The following MEF2A variants were observed in gnomAD, a reference collection of about 807,000 sequenced individuals.
MEF2A encodes myocyte enhancer factor 2A, also known as myocyte-specific enhancer factor 2A.
A neutral mutation model predicts 55.8 loss-of-function variants in MEF2A; 28 were observed. That is an observed-to-expected ratio of 0.50 (90% CI 0.37 to 0.69). The LOEUF (loss-of-function observed/expected upper bound fraction) is 0.69, where lower values mean the gene tolerates loss of function less well. MEF2A is among the 30% of genes least tolerant of loss of function. The pLI is 0.00. For missense variants in MEF2A, 528 were observed against 626.2 expected (o/e 0.84, Z 1.67); for synonymous variants, 239 against 227.1 (o/e 1.05, Z -0.47).
At position 99,715,029 on chromosome 15, in the gene MEF2A, A is replaced by G. The variant is rs1189748352; in HGVS notation, c.*2258A>G. ...GGATGACATGCTGTCTCCTCTCTTC[A>G]GTATAGACATTAGGCTCTTATTCAG... On this transcript the variant is annotated 3_prime_UTR_variant, in exon 12 of 12. Coordinates refer to ENST00000557942, the MANE Select transcript of MEF2A (RefSeq NM_001319206.4). 6.6e-6 allele frequency: 1 copy of G among 152,206 alleles called. No homozygotes were observed. Among genetic ancestry groups the G allele is most frequent in the Admixed American group, 6.5e-5 (1 of 15,284 alleles). 9.4% of individuals were successfully genotyped at this position (152,206 alleles called of 1,614,324 possible). A position where few individuals can be genotyped will look rare whatever the true frequency, so the allele number is the denominator to read the frequency against.
chr15:99,692,042 T>C (rs2055587220), intron 8 of MEF2A, among the ~76,000 whole-genome samples: 1 of 152,240 alleles, frequency 6.6e-6, no homozygotes, highest in Non-Finnish European at 1.5e-5. Flanking sequence ...CTAAATGATA[T>C]GCCAGGTGTT....
intron 4 of MEF2A, among the ~76,000 whole-genome samples, chr15:99,668,767 T>G (rs2050292315): frequency 6.6e-6 from 1 of 152,200 alleles, no homozygotes; most frequent in Non-Finnish European, 1.5e-5. Context: ...CTTAATAGAT[T>G]ACGGCATTCC....
At chr15:99,646,827 A>G (rs1308208672) in intron 4 of MEF2A, among the ~76,000 whole-genome samples, 1 of 152,090 alleles carries the variant, frequency 6.6e-6, no homozygotes, top group Non-Finnish European at 1.5e-5. Context: ...CCATTACTAC[A>G]CACATAAAAA....
Position 99,674,205 on chromosome 15 carries a change from C to T in MEF2A, c.391-188C>T, listed in dbSNP as rs545421363. 1.9e-4 allele frequency among the ~76,000 whole-genome samples: 29 copies of T among 152,130 alleles called. No individual in the cohort carries two copies. In the Middle Eastern group the frequency reaches 0.017, roughly 89 times the overall value. ...GTATAAAGTTGAAATTGAAAAGGCT[C>T]ATGTCAGTCATATTCATGTTCAAAC... is the stretch of plus-strand genomic sequence containing the variant. On this transcript the variant is annotated intron_variant, in intron 5 of 11. Coordinates refer to ENST00000557942, the MANE Select transcript of MEF2A (RefSeq NM_001319206.4).
chr15:99,690,224 G>A lies in MEF2A; in HGVS notation c.671-17G>A. 1 of 1,609,612 alleles carries A rather than the reference G, an allele frequency of 6.2e-7. No individual in the cohort carries two copies. ...AATAACTCTTCTCACTTTATTGAAT[G>A]ATATTTTTCCCCCCAGGGAATGGAT... is the stretch of plus-strand genomic sequence containing the variant. On this transcript the variant is annotated splice_polypyrimidine_tract_variant and intron_variant, in intron 7 of 11. Transcript: ENST00000557942.
rs1971925088 is a variant in MEF2A, at chr15:99,598,330, C to G, written c.-224-100C>G. On this transcript the variant is annotated intron_variant, in intron 1 of 11. Transcript: ENST00000557942. Reference sequence around the variant, plus strand: ...TTAACAGTATTTGTGGAGCTTTCTGCTAGGAATGGTGTTGAGTGCTAGAAT... The same window carrying G: ...TTAACAGTATTTGTGGAGCTTTCTGGTAGGAATGGTGTTGAGTGCTAGAAT... The G allele has an allele frequency of 2.0e-5, 3 of 152,220 alleles. No individual in the cohort carries two copies. In the Middle Eastern group the frequency reaches 0.01, roughly 518 times the overall value. The allele number at this position is 152,220 out of a possible 1,614,324, so 9.4% of individuals were successfully genotyped here. A position where few individuals can be genotyped will look rare whatever the true frequency, so the allele number is the denominator to read the frequency against.
intron 3 of MEF2A, among the ~76,000 whole-genome samples, chr15:99,643,165 G>A (rs993102488): frequency 1.8e-4 from 28 of 152,074 alleles, no homozygotes; most frequent in African/African-American, 5.1e-4. Flanking sequence ...TTTAGATTAC[G>A]TTACCTCTTT....
At chr15:99,660,610 T>C (rs752919474) in intron 4 of MEF2A, among the ~76,000 whole-genome samples, 5 of 152,250 alleles carry the variant, frequency 3.3e-5, no homozygotes, top group Non-Finnish European at 5.9e-5. Flanking sequence ...AGAAACATCC[T>C]TCTTGGGCTT....
intron 9 of MEF2A, among the ~76,000 whole-genome samples, chr15:99,706,016 AT>A (rs1221597085): frequency 6.6e-6 from 1 of 152,120 alleles, no homozygotes; most frequent in Non-Finnish European, 1.5e-5. Flanking sequence ...TAATAGTTGA[AT>A]TTTTTTTATC....
In MEF2A at chr15:99,636,037, A is replaced by C. The variant is rs10152966; in HGVS notation, c.54+2864A>C. Among the ~76,000 whole-genome samples, 1,030 of 152,266 alleles carry C rather than the reference A, an allele frequency of 6.8e-3. 10 individuals are homozygous for C. Among genetic ancestry groups the C allele is most frequent in the African/African-American group, 0.024 (981 of 41,556 alleles). On this transcript the variant is annotated intron_variant, in intron 3 of 11. Transcript: ENST00000557942. Reference sequence around the variant, plus strand: ...TCTGCTGGCAGAGTGTAAGAGTTCTAGCTGCTCCGGTCTTGAGCAATACTG... The same window carrying C: ...TCTGCTGGCAGAGTGTAAGAGTTCTCGCTGCTCCGGTCTTGAGCAATACTG...
chr15:99,655,195 G>T (rs1221226055), intron 4 of MEF2A, among the ~76,000 whole-genome samples: 1 of 152,078 alleles, frequency 6.6e-6, no homozygotes, highest in Middle Eastern at 3.2e-3. Flanking sequence ...ACAGAATAGA[G>T]AGCTCAGAAA....
In MEF2A at chr15:99,690,299, T is replaced by C. The variant is rs764415041; in HGVS notation, c.729T>C (p.Asn243=). 6.2e-7 allele frequency: 1 copy of C among 1,613,756 alleles called. No individual in the cohort carries two copies. The highest frequency in any genetic ancestry group is 8.5e-7 in the Non-Finnish European group (1 of 1,179,818). The change falls in exon 8 of 12, where the codon AAT becomes AAC. Residue 243 remains asparagine (N), a synonymous_variant. Transcript: ENST00000557942. ...ATTTGATTGGAGCTACTGGTGCAAA[T>C]AGCTTAGGCAAAGTCATGCCTACAA... ...SPNLIGATGA[N]SLGKVMPTKS...
chr15:99,669,071 T>C (rs2050356610), intron 4 of MEF2A, among the ~76,000 whole-genome samples: 1 of 152,210 alleles, frequency 6.6e-6, no homozygotes, highest in South Asian at 2.1e-4. Flanking sequence ...GAGTTAACCC[T>C]ACTCTTGTAG....
At chr15:99,648,247 G>A (rs1355663260) in intron 4 of MEF2A, among the ~76,000 whole-genome samples, 8 of 152,034 alleles carry the variant, frequency 5.3e-5, no homozygotes, top group African/African-American at 1.9e-4. Flanking sequence ...GCTTTTTGAT[G>A]CCCATTTACT....
chr15:99,687,679 G>A (rs748295511), intron 7 of MEF2A, among the ~76,000 whole-genome samples: 11 of 152,176 alleles, frequency 7.2e-5, no homozygotes, highest in Admixed American at 2.6e-4. Flanking sequence ...TAAGCTGATA[G>A]ATTTGTTATC....
chr15:99,695,695 A>G (rs1325867508), intron 8 of MEF2A, among the ~76,000 whole-genome samples: 1 of 152,096 alleles, frequency 6.6e-6, no homozygotes, highest in African/African-American at 2.4e-5. Context: ...CCCTGTCTCT[A>G]CTAAAAATAC....
intron 2 of MEF2A, among the ~76,000 whole-genome samples, chr15:99,622,117 T>TATG (rs1465471199): frequency 6.6e-6 from 1 of 152,238 alleles, no homozygotes; most frequent in Non-Finnish European, 1.5e-5. Flanking sequence ...TGCTAGATTC[T>TATG]ATGATATCTT....
At chr15:99,666,095 C>T (rs2049628941) in intron 4 of MEF2A, among the ~76,000 whole-genome samples, 1 of 151,934 alleles carries the variant, frequency 6.6e-6, no homozygotes, top group African/African-American at 2.4e-5. Flanking sequence ...GAATATATAC[C>T]CAAAGGATTA....
intron 1 of MEF2A, among the ~76,000 whole-genome samples, chr15:99,580,677 T>C (rs1437583138): frequency 6.6e-6 from 1 of 152,228 alleles, no homozygotes; most frequent in Non-Finnish European, 1.5e-5. Context: ...ATGGCTTGGT[T>C]TTATTATATG....
Sources: gnomAD v4.1 joint callset for allele counts (sites outside exome capture counted in the v4.1 genomes callset) on GRCh38, gnomAD v4.1.1 for gene constraint, MANE v1.5 for transcripts, NCBI Gene and HGNC (gene_info 2026-07-23, HGNC 2026-07-21) for gene names.